The following RAB43 variants were observed in gnomAD, a reference collection of about 807,000 sequenced individuals.
RAB43 encodes the protein ras-related protein Rab-43.
A neutral mutation model predicts 18.8 loss-of-function variants in RAB43; 6 were observed. The ratio of observed to expected loss-of-function variants is 0.32; its 90% confidence interval spans 0.17 to 0.63. The LOEUF (loss-of-function observed/expected upper bound fraction) is 0.63, where lower values mean the gene tolerates loss of function less well. RAB43 is among the 30% of genes least tolerant of loss of function. The pLI is 0.79. For synonymous variants in RAB43, 103 were observed against 124.1 expected (o/e 0.83, Z 1.13); for missense variants, 195 against 289.1 (o/e 0.67, Z 2.36).
chr3:129,113,207 C>T (rs532610850), intron 1 of RAB43, among the ~76,000 whole-genome samples: 2 of 151,320 alleles, frequency 1.3e-5, no homozygotes, highest in African/African-American at 4.8e-5. Flanking sequence ...GCTCTGTCGC[C>T]CAGGCTGGAG....
At position 129,095,127 on chromosome 3, in the gene RAB43, T is replaced by C; in HGVS notation, c.247A>G (p.Ile83Val). 1 of 1,613,700 alleles carries C rather than the reference T, an allele frequency of 6.2e-7. No homozygotes were observed. Among genetic ancestry groups the C allele is most frequent in the Non-Finnish European group, 8.5e-7 (1 of 1,179,806 alleles). ...GCACTGCGGTAGTAGCTCTGGGTGA[T>C]GGTGCGGAACCGCTCCTGGCCGGCC... ...DTAGQERFRT[I>V]TQSYYRSANG... The change falls in exon 2 of 3, where the codon ATC becomes GTC. Residue 83 changes from isoleucine to valine, a missense_variant. Ile to Val is a conservative substitution (Grantham distance 29). Coordinates refer to ENST00000315150, the MANE Select transcript of RAB43 (RefSeq NM_198490.3). This position sits in a 1 kb window ranked among gnomAD's most constrained non-coding sequence, Gnocchi z 4.2.
intron 1 of RAB43, among the ~76,000 whole-genome samples, chr3:129,101,418 C>G (rs1465838621): frequency 2.0e-5 from 3 of 152,204 alleles, no homozygotes; most frequent in Non-Finnish European, 4.4e-5. Context: ...GGGAACGGAG[C>G]AAAACCAGCT....
At chr3:129,119,647 G>A (rs1473465427) in intron 1 of RAB43, among the ~76,000 whole-genome samples, 4 of 152,040 alleles carry the variant, frequency 2.6e-5, no homozygotes, top group South Asian at 2.1e-4. Context: ...CCTGGGCCCC[G>A]GGCTGCTTCC....
chr3:129,112,329 C>G (rs1318354956), intron 1 of RAB43, among the ~76,000 whole-genome samples: 1 of 149,944 alleles, frequency 6.7e-6, no homozygotes, highest in Non-Finnish European at 1.5e-5. Context: ...AAATGGTAAA[C>G]AGAATTTTTT....
At position 129,095,225 on chromosome 3, in the gene RAB43, G is replaced by C; in HGVS notation, c.205-56C>G. 1.3e-6 allele frequency: 2 copies of C among 1,576,856 alleles called. No homozygotes were observed. The highest frequency in any genetic ancestry group is 1.3e-5 in the African/African-American group (1 of 74,546). ...GTGGCACAGGCTGAACATGGGGACA[G>C]GCAGAGTGACCCCACAGACCCACAC... On this transcript the variant is annotated intron_variant, in intron 1 of 2. Coordinates refer to ENST00000315150, the MANE Select transcript of RAB43 (RefSeq NM_198490.3). This position sits in a 1 kb window ranked among gnomAD's most constrained non-coding sequence, Gnocchi z 4.2.
chr3:129,092,564 C>G (rs1388696667), intron 2 of RAB43: 2 of 692,270 alleles, frequency 2.9e-6, no homozygotes, highest in Non-Finnish European at 5.3e-6. Flanking sequence ...AGTTCAAGAT[C>G]AGCCTGGGCA....
intron 1 of RAB43, among the ~76,000 whole-genome samples, chr3:129,101,804 C>T (rs1486678942): frequency 2.0e-5 from 3 of 152,176 alleles, no homozygotes; most frequent in Non-Finnish European, 4.4e-5. Flanking sequence ...TTTCTTGCAA[C>T]GTAAAGCCAC....
chr3:129,104,606 C>T (rs186173624), intron 1 of RAB43, among the ~76,000 whole-genome samples: 2 of 152,356 alleles, frequency 1.3e-5, no homozygotes, highest in Admixed American at 6.5e-5. Context: ...GATTTCAAGG[C>T]TGCAAGGGTT....
Position 129,107,540 on chromosome 3 carries a change from G to T in RAB43, c.205-12371C>A. Among the ~76,000 whole-genome samples, 1 of 152,144 alleles carries T rather than the reference G, an allele frequency of 6.6e-6. No homozygotes were observed. The highest frequency in any genetic ancestry group is 1.9e-4 in the East Asian group (1 of 5,184). On this transcript the variant is annotated intron_variant, in intron 1 of 2. Transcript: ENST00000315150. This position sits in a 1 kb window ranked among gnomAD's most constrained non-coding sequence, Gnocchi z 4.2. ...ACATTTGGGGTAATGAGGAAACCAA[G>T]GCAGCGTGCAGGAGCTCGCGGTGGG...
chr3:129,117,543 C>T (rs2107583797), intron 1 of RAB43, among the ~76,000 whole-genome samples: 1 of 152,336 alleles, frequency 6.6e-6, no homozygotes, highest in Non-Finnish European at 1.5e-5. Flanking sequence ...CTGACTCGTA[C>T]AGCAGTGTCT....
chr3:129,092,543 T>TCC (rs1211527362), intron 2 of RAB43: 14 of 697,226 alleles, frequency 2.0e-5, no homozygotes, highest in Non-Finnish European at 3.1e-5. Context: ...GGAGGATTGC[T>TCC]TGAGGCCAGG....
At chr3:129,111,241 G>A (rs1231675283) in intron 1 of RAB43, among the ~76,000 whole-genome samples, 3 of 152,102 alleles carry the variant, frequency 2.0e-5, no homozygotes, top group African/African-American at 4.8e-5. Flanking sequence ...ATGGCTGGGC[G>A]CAGTGGCTCA....
At chr3:129,119,230 C>T (rs1378185784) in intron 1 of RAB43, among the ~76,000 whole-genome samples, 2 of 152,194 alleles carry the variant, frequency 1.3e-5, no homozygotes, top group Admixed American at 6.5e-5. Context: ...GCTGCGGCAG[C>T]GGACCCCAGG....
chr3:129,092,624 A>G, intron 2 of RAB43: 1 of 570,280 alleles, frequency 1.8e-6, no homozygotes, highest in Non-Finnish European at 3.1e-6. Flanking sequence ...ATAAGTATGC[A>G]TAAATAAATA....
intron 2 of RAB43, among the ~76,000 whole-genome samples, chr3:129,094,426 TTGACACA>T (rs1455049863): frequency 2.0e-5 from 3 of 151,848 alleles, no homozygotes; most frequent in African/African-American, 7.3e-5. Flanking sequence ...GAGCTAAATC[TTGACACA>T]TGTGAAGAAC....
chr3:129,115,567 C>T (rs981263359), intron 1 of RAB43, among the ~76,000 whole-genome samples: 2 of 151,514 alleles, frequency 1.3e-5, no homozygotes, highest in Non-Finnish European at 2.9e-5. Context: ...CACCTGTAAT[C>T]ACAGCACTTT....
chr3:129,121,485 G>A lies in RAB43; in HGVS notation c.5C>T (p.Ala2Val). 1.2e-6 allele frequency: 2 copies of A among 1,609,636 alleles called. No homozygotes were observed. Among genetic ancestry groups the A allele is most frequent in the Non-Finnish European group, 1.7e-6 (2 of 1,178,298 alleles). Residue 2 changes from alanine (A) to valine (V), a missense_variant, in exon 1 of 3, where the codon GCA (alanine) becomes GTA (valine). By Grantham distance (64) the Ala-to-Val change is moderately conservative. Coordinates refer to ENST00000315150, the MANE Select transcript of RAB43 (RefSeq NM_198490.3). ...GTCCCCCGGGCCTGGGCCCGGCCCT[G>A]CCATGGCCTAGAAGAAGCCGAAGGG... M[A>V]GPGPGPGDPD...
chr3:129,113,913 G>T (rs1935332808), intron 1 of RAB43, among the ~76,000 whole-genome samples: 1 of 152,176 alleles, frequency 6.6e-6, no homozygotes, highest in East Asian at 1.9e-4. Context: ...TGTAGTCCCA[G>T]CTACTTGGGA....
intron 2 of RAB43, among the ~76,000 whole-genome samples, chr3:129,091,966 G>T (rs1322018465): frequency 1.3e-5 from 2 of 151,746 alleles, no homozygotes; most frequent in Admixed American, 1.3e-4. Flanking sequence ...AGCTACTCGG[G>T]TGCCTGAGGC....
Sources: gnomAD v4.1 joint callset for allele counts (sites outside exome capture counted in the v4.1 genomes callset) on GRCh38, gnomAD v4.1.1 for gene constraint, Gnocchi (gnomAD v3.1) non-coding constraint, MANE v1.5 for transcripts, NCBI Gene and HGNC (gene_info 2026-07-23, HGNC 2026-07-21) for gene names.